The following STARD13 variants were observed in gnomAD, a reference collection of about 807,000 sequenced individuals.
STARD13 encodes StAR related lipid transfer domain containing 13, also known as stAR-related lipid transfer protein 13.
Under a neutral mutation model 106.4 loss-of-function variants are expected in STARD13, and 62 were observed. That is an observed-to-expected ratio of 0.58 (90% CI 0.48 to 0.72). The LOEUF is 0.72. Ranked by LOEUF, STARD13 falls within the 30% of genes least tolerant of loss-of-function variation. The pLI is 0.00. For synonymous variants in STARD13, 565 were observed against 553.0 expected (o/e 1.02, Z -0.31); for missense variants, 1,387 against 1,424.0 (o/e 0.97, Z 0.42).
At position 33,138,775 on chromosome 13, in the gene STARD13, G is replaced by A. The variant is rs373606304; in HGVS notation, c.387+3535C>T. On this transcript the variant is annotated intron_variant, in intron 4 of 13. Coordinates refer to ENST00000336934, the MANE Select transcript of STARD13 (RefSeq NM_178006.4). ...TGGGTTGTTAGTCTTCCAGTGAGGC[G>A]TGCAGCTAAGCTCGAGAATACTCCT... is the stretch of plus-strand genomic sequence containing the variant. 6.2e-5 allele frequency: 28 copies of A among 448,714 alleles called. 1 individual carries two copies. Among genetic ancestry groups the A allele is most frequent in the Admixed American group, 3.1e-4 (13 of 41,508 alleles). The allele number at this position is 448,714 out of a possible 1,614,324, so 27.8% of individuals were successfully genotyped here.
the STARD13 span, among the ~76,000 whole-genome samples, chr13:33,665,740 G>A: frequency 6.6e-6 from 1 of 152,144 alleles, no homozygotes; most frequent in African/African-American, 2.4e-5. Context: ...AAGCTTTCTG[G>A]CTTTCAGAGG....
the STARD13 span, among the ~76,000 whole-genome samples, chr13:33,541,722 A>C: frequency 6.6e-6 from 1 of 152,236 alleles, no homozygotes; most frequent in African/African-American, 2.4e-5. Context: ...TCCAGATAAA[A>C]GTGTTTACCA....
the STARD13 span, among the ~76,000 whole-genome samples, chr13:33,628,917 G>A: frequency 1.3e-5 from 2 of 152,214 alleles, no homozygotes; most frequent in African/African-American, 4.8e-5. Flanking sequence ...ATGGTAGCGA[G>A]GGTTACATGA....
At chr13:33,551,341 A>AG in the STARD13 span, among the ~76,000 whole-genome samples, 1 of 152,160 alleles carries the variant, frequency 6.6e-6, no homozygotes, top group Admixed American at 6.5e-5. Context: ...CCATCATATG[A>AG]GGTCAGGTGT....
In STARD13 at chr13:33,106,761, A is replaced by C. The variant is rs746548139; in HGVS notation, c.3221T>G (p.Leu1074Arg). 6.2e-7 allele frequency: 1 copy of C among 1,607,798 alleles called. No homozygotes were observed. The highest frequency in any genetic ancestry group is 8.5e-7 in the Non-Finnish European group (1 of 1,176,080). ...CATTAAGGGAGTCAGCACTTACTTC[A>C]GGTCTATCCTGCAGATGTGAGTCAG... is the stretch of plus-strand genomic sequence containing the variant. Reference protein sequence around the residue: ...SRLTHICRIDLKGHSPEWYSK... With the variant: ...SRLTHICRIDRKGHSPEWYSK... Residue 1074 changes from leucine to arginine, a missense_variant, in exon 13 of 14, where the codon CTG becomes CGG. Transcript: ENST00000336934.
chr13:33,487,352 T>A, the STARD13 span, among the ~76,000 whole-genome samples: 1 of 152,196 alleles, frequency 6.6e-6, no homozygotes, highest in African/African-American at 2.4e-5. Flanking sequence ...TTAGTCCAGT[T>A]TTCACAATTA....
the STARD13 span, among the ~76,000 whole-genome samples, chr13:33,566,889 A>G: frequency 6.8e-6 from 1 of 148,118 alleles, no homozygotes; most frequent in Admixed American, 6.9e-5. Context: ...TATATTACAT[A>G]GGTTCTAGCA....
chr13:33,393,529 G>A, the STARD13 span, among the ~76,000 whole-genome samples: 1 of 152,032 alleles, frequency 6.6e-6, no homozygotes, highest in Non-Finnish European at 1.5e-5. Context: ...TGCCTTTGAG[G>A]GCTGCTCAGA....
chr13:33,163,668 T>TAACATATATATAAAACATATATATATAA (rs1882966590), intron 3 of STARD13, among the ~76,000 whole-genome samples: 2 of 98,330 alleles, frequency 2.0e-5, no homozygotes, highest in Admixed American at 1.9e-4. Flanking sequence ...CATATATATA[T>TAACATATATATAAAACATATATATATAA]AACATATATA....
At chr13:33,587,917 A>G in the STARD13 span, among the ~76,000 whole-genome samples, 5 of 152,206 alleles carry the variant, frequency 3.3e-5, no homozygotes, top group South Asian at 4.1e-4. Context: ...AATATTTTGA[A>G]TATATTGGGT....
the STARD13 span, among the ~76,000 whole-genome samples, chr13:33,371,726 G>A: frequency 5.8e-4 from 88 of 152,222 alleles, no homozygotes; most frequent in Non-Finnish European, 7.2e-4. Context: ...GAAATAAAAC[G>A]GAGACCCTCT....
At chr13:33,375,331 T>C in the STARD13 span, among the ~76,000 whole-genome samples, 3 of 152,146 alleles carry the variant, frequency 2.0e-5, no homozygotes, top group Non-Finnish European at 2.9e-5. Context: ...CAGCTGACAA[T>C]GCAAGGGAAT....
At chr13:33,622,931 A>C in the STARD13 span, among the ~76,000 whole-genome samples, 46 of 141,336 alleles carry the variant, frequency 3.3e-4, no homozygotes, top group African/African-American at 1.3e-3. Flanking sequence ...AAAAAAAAAA[A>C]AGAAAGAAAA....
chr13:33,149,144 A>T (rs921588008), intron 3 of STARD13, among the ~76,000 whole-genome samples: 4 of 152,208 alleles, frequency 2.6e-5, no homozygotes, highest in African/African-American at 9.6e-5. Context: ...CATTTGCCAA[A>T]ACCCACAGAA....
intron 3 of STARD13, among the ~76,000 whole-genome samples, chr13:33,159,537 G>A (rs1882380630): frequency 6.6e-6 from 1 of 152,118 alleles, no homozygotes; most frequent in African/African-American, 2.4e-5. Context: ...TTGCAATCCT[G>A]ATTTTAAAAT....
At chr13:33,364,051 T>C in the STARD13 span, among the ~76,000 whole-genome samples, 3 of 152,218 alleles carry the variant, frequency 2.0e-5, no homozygotes, top group Non-Finnish European at 4.4e-5. Flanking sequence ...TATGGGTGAA[T>C]GTGATGAACA....
rs1383853395 is a variant in STARD13 at position 33,112,760 on chromosome 13, A to G, written c.2453T>C (p.Leu818Pro). The change falls in exon 9 of 14, where the codon CTC becomes CCC. Residue 818 changes from leucine (L) to proline (P), a missense_variant. Physicochemically the swap from Leu to Pro is moderately conservative, Grantham distance 98 (BLOSUM62 -3). Coordinates refer to ENST00000336934, the MANE Select transcript of STARD13 (RefSeq NM_178006.4). ...MNLAVCLAPS[L>P]FHLNLLKKES... ...TTTCTTCAATAAATTAAGATGAAAGAGGGAGGGGGCCAGACACACTGCCAG... is the reference window on the plus strand; with the variant it reads ...TTTCTTCAATAAATTAAGATGAAAGGGGGAGGGGGCCAGACACACTGCCAG... 1 of 1,607,044 alleles carries G rather than the reference A, an allele frequency of 6.2e-7. No homozygotes were observed. The highest frequency in any genetic ancestry group is 2.2e-5 in the East Asian group (1 of 44,768).
the STARD13 span, among the ~76,000 whole-genome samples, chr13:33,547,605 G>A: frequency 1.3e-5 from 2 of 152,172 alleles, no homozygotes; most frequent in African/African-American, 4.8e-5. Context: ...CAAAGGAAAG[G>A]AATTGGGATG....
chr13:33,489,754 C>G, the STARD13 span, among the ~76,000 whole-genome samples: 1 of 152,188 alleles, frequency 6.6e-6, no homozygotes, highest in Non-Finnish European at 1.5e-5. Flanking sequence ...GAAACAGCGA[C>G]GCACCATGGG....
Sources: gnomAD v4.1 joint callset for allele counts (sites outside exome capture counted in the v4.1 genomes callset) on GRCh38, gnomAD v4.1.1 for gene constraint, MANE v1.5 for transcripts, NCBI Gene and HGNC (gene_info 2026-07-23, HGNC 2026-07-21) for gene names.